SMCO4: variants seen among roughly 807,000 people sequenced by gnomAD.
SMCO4 encodes single-pass membrane and coiled-coil domain-containing protein 4.
SMCO4 carries 4 observed loss-of-function variants against 3.6 expected under a neutral mutation model. The ratio of observed to expected loss-of-function variants is 1.11; its 90% CI spans 0.54 to 2.53. The LOEUF (loss-of-function observed/expected upper bound fraction) is 2.53. Ranked by LOEUF, SMCO4 falls within the 30% of genes most tolerant of loss-of-function variation. The pLI, the probability that SMCO4 is intolerant of heterozygous loss-of-function variation, is 0.02. For synonymous variants in SMCO4, 36 were observed against 35.3 expected (o/e 1.02, Z -0.07); for missense variants, 70 against 80.8 (o/e 0.87, Z 0.51).
At position 93,479,326 on chromosome 11, in the gene SMCO4, T is replaced by A. The variant is rs1489493476; in HGVS notation, c.-80-57A>T. 3 of 1,399,126 alleles carry A rather than the reference T, an allele frequency of 2.1e-6. No homozygotes were observed. In the African/African-American group the frequency reaches 4.3e-5, roughly 20 times the overall value. 86.7% of individuals were successfully genotyped at this position (1,399,126 alleles called of 1,614,324 possible). On this transcript the variant is annotated intron_variant, in intron 2 of 2. Transcript: ENST00000298966. ...TAAACCAAATAGAAGAAAAAATAAA[T>A]CACTTAAAGGCAAATACACAACTAG...
chr11:93,507,217 C>A (rs1249979146), intron 1 of SMCO4, among the ~76,000 whole-genome samples: 1 of 152,160 alleles, frequency 6.6e-6, no homozygotes, highest in Non-Finnish European at 1.5e-5. Flanking sequence ...TCAGCCTGAA[C>A]AACATGGTGA....
intron 1 of SMCO4, among the ~76,000 whole-genome samples, chr11:93,533,474 G>A (rs1470877820): frequency 6.6e-6 from 1 of 152,178 alleles, no homozygotes; most frequent in Non-Finnish European, 1.5e-5. Flanking sequence ...ACTCCCCAGA[G>A]CACAGAGAGC....
At position 93,483,379 on chromosome 11, in the gene SMCO4, G is replaced by A. The variant is rs559900037; in HGVS notation, c.-80-4110C>T. Among the ~76,000 whole-genome samples, 5 of 152,304 alleles carry A rather than the reference G, an allele frequency of 3.3e-5. No individual in the cohort carries two copies. The East Asian group carries it at 5.8e-4, about 18-fold the overall frequency. ...GGGCTGGCTCAAGCACATCTGCTAG[G>A]ACCTCTGAAATGTGGGCTTGCCTAA... On this transcript the variant is annotated intron_variant, in intron 2 of 2. Transcript: ENST00000298966.
chr11:93,485,503 G>A (rs1400054152), intron 2 of SMCO4, among the ~76,000 whole-genome samples: 1 of 152,242 alleles, frequency 6.6e-6, no homozygotes, highest in Admixed American at 6.5e-5. Context: ...CCTCCATGCA[G>A]AAGCAACAGC....
At chr11:93,482,708 C>T (rs1300209867) in intron 2 of SMCO4, among the ~76,000 whole-genome samples, 2 of 152,138 alleles carry the variant, frequency 1.3e-5, no homozygotes, top group African/African-American at 4.8e-5. Flanking sequence ...CTTCCTTCCT[C>T]GGGAATATTT....
intron 1 of SMCO4, among the ~76,000 whole-genome samples, chr11:93,540,536 T>C (rs1949263309): frequency 1.3e-5 from 2 of 152,208 alleles, no homozygotes; most frequent in Non-Finnish European, 2.9e-5. Context: ...ACATACAGTA[T>C]CTCATTTAAC....
chr11:93,535,377 T>A lies in SMCO4; in HGVS notation c.-154+7899A>T, dbSNP rs1440458251. On this transcript the variant is annotated intron_variant, in intron 1 of 2. Transcript: ENST00000298966. ...TGCTATGGACCCACCACTCTTAACA[T>A]CTACGATCTCAGCAATAAGAATCAA... 5.3e-6 allele frequency: 4 copies of A among 761,538 alleles called. No individual in the cohort carries two copies. The African/African-American group carries it at 7.0e-5, about 13-fold the overall frequency. 47.2% of individuals were successfully genotyped at this position (761,538 alleles called of 1,614,324 possible). A position where few individuals can be genotyped will look rare whatever the true frequency, so the allele number is the denominator to read the frequency against.
intron 2 of SMCO4, chr11:93,481,611 A>T (rs1204971483): frequency 1.3e-6 from 1 of 777,176 alleles, no homozygotes; most frequent in Non-Finnish European, 1.6e-6. Flanking sequence ...CAAGGAGCAA[A>T]GGGGAAAAAT....
At chr11:93,503,166 G>A (rs1948860991) in intron 1 of SMCO4, among the ~76,000 whole-genome samples, 1 of 152,096 alleles carries the variant, frequency 6.6e-6, no homozygotes. Context: ...AGACATACCT[G>A]AGACTGGGTA....
intron 1 of SMCO4, among the ~76,000 whole-genome samples, chr11:93,526,559 G>A (rs1463805842): frequency 6.6e-6 from 1 of 152,126 alleles, no homozygotes; most frequent in African/African-American, 2.4e-5. Flanking sequence ...GAGGAAACAA[G>A]CTGCTGCCAA....
chr11:93,493,583 A>G lies in SMCO4; in HGVS notation c.-81+5693T>C, dbSNP rs147510442. Among the ~76,000 whole-genome samples the G allele has an allele frequency of 1.1e-3, 160 of 152,200 alleles. 2 individuals carry two copies. The highest frequency in any genetic ancestry group is 1.8e-4 in the Non-Finnish European group (12 of 67,994). On this transcript the variant is annotated intron_variant, in intron 2 of 2. Coordinates refer to ENST00000298966, the MANE Select transcript of SMCO4 (RefSeq NM_020179.3). ...CTTCCTCCAGCCTCCTGATTCCTCA[A>G]TTTCCAGGGAATGATTTCACAGAAA...
At chr11:93,513,607 T>C (rs1948978548) in intron 1 of SMCO4, among the ~76,000 whole-genome samples, 1 of 152,128 alleles carries the variant, frequency 6.6e-6, no homozygotes, top group Non-Finnish European at 1.5e-5. Flanking sequence ...TCTGGATTGA[T>C]GACAGTGCCA....
chr11:93,516,787 CAAA>C (rs896063554), intron 1 of SMCO4, among the ~76,000 whole-genome samples: 1 of 145,724 alleles, frequency 6.9e-6, no homozygotes, highest in Non-Finnish European at 1.5e-5. Context: ...AAGACTCTGT[CAAA>C]AAAAAGAAAA....
chr11:93,530,443 A>C (rs1448942434), intron 1 of SMCO4, among the ~76,000 whole-genome samples: 1 of 152,122 alleles, frequency 6.6e-6, no homozygotes, highest in Non-Finnish European at 1.5e-5. Context: ...TTTTTTAAAA[A>C]CCTGCCTAGA....
intron 1 of SMCO4, chr11:93,535,811 C>G: frequency 1.2e-6 from 2 of 1,614,004 alleles, no homozygotes; most frequent in South Asian, 2.2e-5. Flanking sequence ...GCAGCAACAG[C>G]AGCACAGTAA....
chr11:93,487,495 C>T (rs556969474), intron 2 of SMCO4, among the ~76,000 whole-genome samples: 2 of 152,296 alleles, frequency 1.3e-5, no homozygotes, highest in East Asian at 1.9e-4. Context: ...CACACACACA[C>T]TTCTCATACC....
intron 1 of SMCO4, among the ~76,000 whole-genome samples, chr11:93,527,761 T>C (rs533835199): frequency 6.6e-6 from 1 of 152,266 alleles, no homozygotes; most frequent in South Asian, 2.1e-4. Flanking sequence ...ACAACCAGCC[T>C]AAAAAAGCAA....
chr11:93,519,653 G>C (rs1949040236), intron 1 of SMCO4, among the ~76,000 whole-genome samples: 2 of 152,114 alleles, frequency 1.3e-5, no homozygotes. Flanking sequence ...CTAAAACCAA[G>C]GCAAAGAAGG....
chr11:93,534,749 C>T (rs1459044663), intron 1 of SMCO4, among the ~76,000 whole-genome samples: 3 of 152,142 alleles, frequency 2.0e-5, no homozygotes, highest in African/African-American at 4.8e-5. Context: ...CAGGGCTTTC[C>T]GAAGCCCACT....
Sources: allele counts gnomAD v4.1 joint callset (sites outside exome capture counted in the v4.1 genomes callset), GRCh38; gene constraint gnomAD v4.1.1; transcripts MANE v1.5; gene names NCBI Gene and HGNC (gene_info 2026-07-23, HGNC 2026-07-21).